Variants in EDNRB observed in about 807,000 individuals in gnomAD.
EDNRB encodes endothelin receptor type B.
A neutral mutation model predicts 46.4 loss-of-function variants in EDNRB; 18 were observed. That is an observed-to-expected ratio of 0.39 (90% CI 0.27 to 0.57). The LOEUF is 0.57. Among genes scored for constraint, EDNRB ranks in the 20% least tolerant of loss-of-function variants. The probability of loss-of-function intolerance (pLI) is 0.61; values close to 1 mark genes in which losing one functional copy is unlikely to be tolerated. For missense variants in EDNRB, 434 were observed against 537.5 expected (o/e 0.81, Z 1.90); for synonymous variants, 213 against 204.9 (o/e 1.04, Z -0.34).
upstream of EDNRB, among the ~76,000 whole-genome samples, chr13:77,924,574 A>AT (rs1880178268): frequency 6.6e-6 from 1 of 152,188 alleles, no homozygotes; most frequent in African/African-American, 2.4e-5. Context: ...CATCTTAACC[A>AT]TTTTTTAAGT....
chr13:77,934,829 G>C lies in EDNRB; in HGVS notation c.-51-16205C>G, dbSNP rs374957610. On this transcript the variant is annotated intron_variant, in intron 1 of 7. Transcript: ENST00000646948. ...GTGGCTTGTACTATAGCATAGCCTG[G>C]CTTTGCTGGTGTGTGGTGATTATGC... 7.2e-5 allele frequency among the ~76,000 whole-genome samples: 11 copies of C among 152,254 alleles called. No homozygotes were observed. The East Asian group carries it at 7.7e-4, about 11-fold the overall frequency.
chr13:77,929,197 C>A (rs1880319074), intron 1 of EDNRB, among the ~76,000 whole-genome samples: 2 of 152,090 alleles, frequency 1.3e-5, no homozygotes, highest in Admixed American at 1.3e-4. Flanking sequence ...TTTTAGGCTC[C>A]AAACCATGAA....
At chr13:77,925,701 AG>A (rs1277385367) in intron 1 of EDNRB, among the ~76,000 whole-genome samples, 1 of 152,244 alleles carries the variant, frequency 6.6e-6, no homozygotes, top group African/African-American at 2.4e-5. Context: ...AAGGCAGTGT[AG>A]AAGGGAAATG....
chr13:77,973,301 T>G (rs1881791357), intron 1 of EDNRB, among the ~76,000 whole-genome samples: 1 of 152,208 alleles, frequency 6.6e-6, no homozygotes, highest in Middle Eastern at 3.2e-3. Context: ...ACCTTTATAT[T>G]AATGTGTTAT....
At chr13:77,974,114 T>C (rs9544654) in intron 1 of EDNRB, among the ~76,000 whole-genome samples, 149,624 of 152,174 alleles carry the variant, frequency 0.98, 73,621 homozygotes, top group Middle Eastern at 1. Context: ...TTTAATTATC[T>C]TTTGCTATTA....
At position 77,931,776 on chromosome 13, in the gene EDNRB, A is replaced by C. The variant is rs201398133; in HGVS notation, c.-51-13152T>G. On this transcript the variant is annotated intron_variant, in intron 1 of 7. Coordinates refer to the EDNRB transcript ENST00000646948. ...AAAAAAAAAACAAAAAAAAAAAAAC[A>C]AAAAAAACCTCCTCTTTTTATCAAA... Among the ~76,000 whole-genome samples, 174 of 102,948 alleles carry C rather than the reference A, an allele frequency of 1.7e-3. 1 individual carries two copies. The East Asian group carries it at 0.028, about 16-fold the overall frequency. The allele number at this position is 102,948 out of a possible 152,430, so 67.5% of individuals were successfully genotyped here.
intron 1 of EDNRB, among the ~76,000 whole-genome samples, chr13:77,961,462 C>T (rs1210624497): frequency 1.3e-5 from 2 of 152,138 alleles, no homozygotes; most frequent in Non-Finnish European, 2.9e-5. Flanking sequence ...AACTAGAACT[C>T]AGGATTAAGA....
At chr13:77,931,268 C>T (rs1160637514) in intron 1 of EDNRB, among the ~76,000 whole-genome samples, 1 of 152,128 alleles carries the variant, frequency 6.6e-6, no homozygotes, top group Non-Finnish European at 1.5e-5. Flanking sequence ...AAGTCACACT[C>T]CCAAATCTGC....
upstream of EDNRB, among the ~76,000 whole-genome samples, chr13:77,921,397 C>G (rs988224412): frequency 2.0e-5 from 3 of 152,176 alleles, no homozygotes; most frequent in Non-Finnish European, 4.4e-5. Context: ...CATTAGACAC[C>G]TTTTCACAGT....
chr13:77,925,173 T>G (rs1216770334), intron 1 of EDNRB, among the ~76,000 whole-genome samples: 1 of 152,220 alleles, frequency 6.6e-6, no homozygotes, highest in Non-Finnish European at 1.5e-5. Context: ...GACTGGCTTG[T>G]TTTATTTAGC....
intron 1 of EDNRB, among the ~76,000 whole-genome samples, chr13:77,907,955 C>A (rs1240091661): frequency 1.5e-5 from 2 of 134,652 alleles, no homozygotes; most frequent in East Asian, 4.6e-4. Context: ...GAGAGATAGT[C>A]AGACACGTAA....
intron 1 of EDNRB, among the ~76,000 whole-genome samples, chr13:77,906,080 C>T (rs9600948): frequency 2.6e-5 from 4 of 151,872 alleles, no homozygotes; most frequent in East Asian, 1.9e-4. Context: ...CTGTGAAGAG[C>T]GGGTTATAGG....
chr13:77,907,721 G>A (rs1460768667), intron 1 of EDNRB, among the ~76,000 whole-genome samples: 1 of 152,006 alleles, frequency 6.6e-6, no homozygotes, highest in Admixed American at 6.6e-5. Context: ...CAAGATGAAT[G>A]AGCGTCCAGA....
intron 1 of EDNRB, among the ~76,000 whole-genome samples, chr13:77,937,942 T>C (rs117654536): frequency 0.014 from 2,173 of 152,212 alleles, 46 homozygotes; most frequent in East Asian, 0.024. Flanking sequence ...GCATTTCGAC[T>C]GTTTGCACAT....
At chr13:77,915,127 A>AAG (rs1477728946) in intron 1 of EDNRB, among the ~76,000 whole-genome samples, 1 of 152,190 alleles carries the variant, frequency 6.6e-6, no homozygotes, top group Non-Finnish European at 1.5e-5. Context: ...GAATGATCAT[A>AAG]CCTGACTACT....
chr13:77,919,670 G>A, upstream of EDNRB: 1 of 1,509,382 alleles, frequency 6.6e-7, no homozygotes, highest in South Asian at 1.2e-5. Flanking sequence ...CGACCCCGCT[G>A]CAACCTTTCC....
chr13:77,955,923 A>T (rs981815303), intron 1 of EDNRB, among the ~76,000 whole-genome samples: 1 of 151,522 alleles, frequency 6.6e-6, no homozygotes, highest in Non-Finnish European at 1.5e-5. Context: ...TACTGTTTTA[A>T]TCACAGTAGT....
Position 77,904,025 on chromosome 13 carries a change from C to T in EDNRB, c.484-418G>A, listed in dbSNP as rs368654120. 3.9e-5 allele frequency among the ~76,000 whole-genome samples: 6 copies of T among 152,098 alleles called. No homozygotes were observed. In the South Asian group the frequency reaches 6.2e-4, roughly 16 times the overall value. On this transcript the variant is annotated intron_variant, in intron 1 of 6. Transcript: ENST00000646607. ...TAGCTGAGGAGACCAGACTTCCCTA[C>T]TGAAGTAGTACTCCATGCAGAACAG...
At chr13:77,955,863 A>ATCTG (rs60990363) in intron 1 of EDNRB, among the ~76,000 whole-genome samples, 2 of 151,596 alleles carry the variant, frequency 1.3e-5, no homozygotes. Flanking sequence ...CTATCTATCT[A>ATCTG]TCTATCTATC....
Sources: allele counts gnomAD v4.1 joint callset (sites outside exome capture counted in the v4.1 genomes callset), GRCh38; gene constraint gnomAD v4.1.1; transcripts MANE v1.5; gene names NCBI Gene and HGNC (gene_info 2026-07-23, HGNC 2026-07-21).